LANCL2: variants seen among roughly 807,000 people sequenced by gnomAD.
LANCL2 encodes the protein lanC-like protein 2.
LANCL2 carries 33 observed loss-of-function variants against 56.9 expected under a neutral mutation model. The observed-to-expected ratio is 0.58, with a 90% CI of 0.44 to 0.78. LANCL2 has a LOEUF of 0.78. Among genes scored for constraint, LANCL2 ranks in the 30% least tolerant of loss-of-function variants. The pLI, the probability that LANCL2 is intolerant of heterozygous loss-of-function variation, is 0.00. For synonymous variants in LANCL2, 233 were observed against 228.2 expected, an observed-to-expected ratio of 1.02 and a Z score of -0.19; for missense variants, 562 against 580.2, an observed-to-expected ratio of 0.97 and a Z score of 0.32.
chr7:55,395,838 A>G (rs899830054), intron 2 of LANCL2, among the ~76,000 whole-genome samples: 1 of 152,240 alleles, frequency 6.6e-6, no homozygotes, highest in Non-Finnish European at 1.5e-5. Context: ...ATCGCTTCAC[A>G]TCATGGATGA....
intron 1 of LANCL2, among the ~76,000 whole-genome samples, chr7:55,387,948 G>A (rs971039194): frequency 6.6e-6 from 1 of 151,600 alleles, no homozygotes; most frequent in African/African-American, 2.4e-5. Context: ...TTACATATTA[G>A]TTGCACCATA....
chr7:55,427,707 C>T lies in LANCL2; in HGVS notation c.1186-668C>T, dbSNP rs574736771. Among the ~76,000 whole-genome samples the T allele has an allele frequency of 2.0e-5, 3 of 152,294 alleles. No individual in the cohort carries two copies. The South Asian group carries it at 6.2e-4, about 32-fold the overall frequency. ...TTTACGTGTGCTGAACTTGATACTC[C>T]TCATGTTTATTACTTATGATTCTTA... On this transcript the variant is annotated intron_variant, in intron 7 of 8. Coordinates refer to ENST00000254770, the MANE Select transcript of LANCL2 (RefSeq NM_018697.4).
rs1318015089 is a variant in LANCL2 at position 55,432,453 on chromosome 7, A to C, written c.*1133A>C. ...TTTATTTGAAAAAATGTGAGCAGTA[A>C]TTTGGGTTAGCCTACCTTCATTAAT... On this transcript the variant is annotated 3_prime_UTR_variant, in exon 9 of 9. Coordinates refer to ENST00000254770, the MANE Select transcript of LANCL2 (RefSeq NM_018697.4). The C allele has an allele frequency of 2.6e-5, 4 of 152,322 alleles. No individual in the cohort carries two copies. Among genetic ancestry groups the C allele is most frequent in the African/African-American group, 9.6e-5 (4 of 41,582 alleles). 9.4% of individuals were successfully genotyped at this position (152,322 alleles called of 1,614,324 possible).
chr7:55,385,266 G>A (rs1450978256), intron 1 of LANCL2, among the ~76,000 whole-genome samples: 3 of 152,134 alleles, frequency 2.0e-5, no homozygotes, highest in African/African-American at 4.8e-5. Context: ...TGGTGTGGGG[G>A]TGCAAGAATT....
chr7:55,394,925 G>A (rs576870019), intron 2 of LANCL2, among the ~76,000 whole-genome samples: 6 of 152,280 alleles, frequency 3.9e-5, no homozygotes, highest in South Asian at 2.1e-4. Context: ...CATGGCTTGC[G>A]GAGAAGCAGG....
At chr7:55,385,187 GA>G (rs571244915) in intron 1 of LANCL2, among the ~76,000 whole-genome samples, 1 of 151,332 alleles carries the variant, frequency 6.6e-6, no homozygotes, top group East Asian at 1.9e-4. Context: ...AACCCCGTCT[GA>G]AAAAAAAAGT....
intron 5 of LANCL2, among the ~76,000 whole-genome samples, chr7:55,406,042 C>G (rs1304255413): frequency 1.3e-5 from 2 of 152,162 alleles, no homozygotes; most frequent in Non-Finnish European, 2.9e-5. Flanking sequence ...CATACGTAGC[C>G]TTGGGCTAGA....
At chr7:55,407,072 A>G (rs1226946253) in intron 5 of LANCL2, among the ~76,000 whole-genome samples, 1 of 152,174 alleles carries the variant, frequency 6.6e-6, no homozygotes, top group Non-Finnish European at 1.5e-5. Flanking sequence ...GGCTTCTTTG[A>G]GCATGTGCAG....
In LANCL2 at chr7:55,425,254, G is replaced by A; in HGVS notation, c.1009G>A (p.Val337Ile). Residue 337 changes from valine to isoleucine, a missense_variant and splice_region_variant, in exon 7 of 9, where the codon GTC becomes ATC. By Grantham distance (29) the Val-to-Ile change is conservative (BLOSUM62 3). Transcript: ENST00000254770. ...VIHMLMQAYKVFKEEKYLKEA... is the reference protein window; with the variant it reads ...VIHMLMQAYKIFKEEKYLKEA... ...ACTGCTTTGTTTTTAATTTGCCCAG[G>A]TCTTTAAGGAGGAGAAGTACTTGAA... 6.2e-7 allele frequency: 1 copy of A among 1,612,972 alleles called. No individual in the cohort carries two copies. Among genetic ancestry groups the A allele is most frequent in the South Asian group, 1.1e-5 (1 of 90,844 alleles).
intron 1 of LANCL2, among the ~76,000 whole-genome samples, chr7:55,382,098 G>A (rs182668903): frequency 6.6e-6 from 1 of 152,188 alleles, no homozygotes; most frequent in Admixed American, 6.5e-5. Context: ...ATTTTGAGGA[G>A]GCATATTCTG....
chr7:55,418,660 G>GC (rs1367928209), intron 6 of LANCL2, among the ~76,000 whole-genome samples: 1 of 152,118 alleles, frequency 6.6e-6, no homozygotes, highest in Non-Finnish European at 1.5e-5. Context: ...TTGGTTAGGA[G>GC]CTATAGTATA....
At chr7:55,380,458 A>G (rs1301164610) in intron 1 of LANCL2, among the ~76,000 whole-genome samples, 1 of 151,814 alleles carries the variant, frequency 6.6e-6, no homozygotes, top group Non-Finnish European at 1.5e-5. Context: ...GGGGATTTAT[A>G]CTTTAATGAT....
rs1291108610 is a variant in LANCL2 at position 55,412,122 on chromosome 7, T to C, written c.1008+33T>C. On this transcript the variant is annotated intron_variant, in intron 6 of 8. Transcript: ENST00000254770. ...CTTCCGCCGTCACGGCCGTCCCCTGTGTGGGGAGCCAGGTTTCCCTGTCAG... is the reference window on the plus strand; with the variant it reads ...CTTCCGCCGTCACGGCCGTCCCCTGCGTGGGGAGCCAGGTTTCCCTGTCAG... The C allele has an allele frequency of 1.9e-6, 3 of 1,578,908 alleles. No individual in the cohort carries two copies. In the East Asian group the frequency reaches 6.8e-5, roughly 36 times the overall value.
At chr7:55,402,160 C>T (rs1790338544) in intron 5 of LANCL2, among the ~76,000 whole-genome samples, 3 of 150,368 alleles carry the variant, frequency 2.0e-5, no homozygotes, top group Non-Finnish European at 3.0e-5. Flanking sequence ...GGCGGCTGGC[C>T]GGGCAGAGGG....
In LANCL2 at chr7:55,366,104, C is replaced by G. The variant is rs750313603; in HGVS notation, c.79C>G (p.Pro27Ala). The change falls in exon 1 of 9, where the codon CCC becomes GCC. Residue 27 changes from proline (P) to alanine (A), a missense_variant. By Grantham distance (27) the Pro-to-Ala change is conservative. Coordinates refer to ENST00000254770, the MANE Select transcript of LANCL2 (RefSeq NM_018697.4). ...AATGGAGGAACGGGCGTTCGTCAAC[C>G]CCTTCCCGGACTACGAGGCCGCCGC... ...AEMEERAFVN[P>A]FPDYEAAAGA... 1 of 1,543,298 alleles carries G rather than the reference C, an allele frequency of 6.5e-7. No individual in the cohort carries two copies. Among genetic ancestry groups the G allele is most frequent in the Non-Finnish European group, 8.8e-7 (1 of 1,141,186 alleles).
At chr7:55,370,010 A>G (rs967551677) in intron 1 of LANCL2, among the ~76,000 whole-genome samples, 1 of 152,214 alleles carries the variant, frequency 6.6e-6, no homozygotes, top group Admixed American at 6.5e-5. Flanking sequence ...TCTGAGAGTC[A>G]GGAATCCAGC....
At chr7:55,428,477 ATGTT>A (rs780317320) in intron 8 of LANCL2, 30 bp downstream of exon 8, 2 of 1,592,592 alleles carry the variant, frequency 1.3e-6, no homozygotes, top group Admixed American at 3.3e-5. Context: ...TATAGATTAA[ATGTT>A]TGGGTGAAAT....
intron 5 of LANCL2, 57 bp from the exon 6 acceptor site, chr7:55,411,850 T>A: frequency 6.7e-7 from 1 of 1,501,956 alleles, no homozygotes; most frequent in South Asian, 1.2e-5. Flanking sequence ...CATGATACAA[T>A]GTAAAAGAAA....
At chr7:55,416,618 A>T (rs1246741412) in intron 6 of LANCL2, among the ~76,000 whole-genome samples, 1 of 151,368 alleles carries the variant, frequency 6.6e-6, no homozygotes, top group South Asian at 2.1e-4. Flanking sequence ...GTTTTATTTT[A>T]TTTTATTTTT....
Sources: allele counts gnomAD v4.1 joint callset (sites outside exome capture counted in the v4.1 genomes callset), GRCh38; gene constraint gnomAD v4.1.1; transcripts MANE v1.5; gene names NCBI Gene and HGNC (gene_info 2026-07-23, HGNC 2026-07-21).